The following ATRX variants were observed in gnomAD, a reference collection of about 807,000 sequenced individuals.
ATRX encodes the protein ATRX chromatin remodeler.
Under a neutral mutation model 172.6 loss-of-function variants are expected in ATRX, and 12 were observed. The ratio of observed to expected loss-of-function variants is 0.07; its 90% CI spans 0.04 to 0.11. The LOEUF is 0.11. ATRX is among the 10% of genes least tolerant of loss of function. The pLI is 1.00. For synonymous variants in ATRX, 674 were observed against 594.7 expected, an observed-to-expected ratio of 1.13 and a Z score of -1.94; for missense variants, 1,368 against 1,767.4, an observed-to-expected ratio of 0.77 and a Z score of 4.05.
intron 13 of ATRX, among the ~76,000 whole-genome samples, chrX:77,656,176 G>T (rs1226605874): frequency 9.0e-6 from 1 of 111,371 alleles, no homozygotes; most frequent in Non-Finnish European, 1.9e-5. Flanking sequence ...CAAGTATATT[G>T]TAATCCCCCA....
intron 27 of ATRX, among the ~76,000 whole-genome samples, chrX:77,577,987 C>T (rs1268257498): frequency 1.8e-5 from 2 of 111,828 alleles, no homozygotes; most frequent in Admixed American, 9.5e-5. Context: ...ACTGCTACCT[C>T]AACCCCCAGA....
chrX:77,765,152 GCAAAAACTCTGTCT>G (rs1412872712), intron 1 of ATRX, among the ~76,000 whole-genome samples: 1 of 111,421 alleles, frequency 9.0e-6, no homozygotes, highest in African/African-American at 3.3e-5. Flanking sequence ...GGGCAACAGA[GCAAAAACTCTGTCT>G]CAAAAACAAA....
chrX:77,523,185 TTTC>T (rs1474508354), intron 31 of ATRX, 64 bp downstream of exon 31: 1 of 1,160,062 alleles, frequency 8.6e-7, no homozygotes, highest in African/African-American at 1.8e-5. Context: ...ATGTGACCCT[TTTC>T]TTCTTCATTG....
At chrX:77,528,095 C>T (rs1458993364) in intron 30 of ATRX, among the ~76,000 whole-genome samples, 3 of 110,154 alleles carry the variant, frequency 2.7e-5, no homozygotes, top group Non-Finnish European at 5.7e-5. Context: ...TCAGTTGTTC[C>T]AGCCTCCCCG....
chrX:77,718,854 A>C (rs2073593507), intron 1 of ATRX, among the ~76,000 whole-genome samples: 1 of 111,465 alleles, frequency 9.0e-6, no homozygotes. Context: ...TGAGGTCTCA[A>C]AACTCTTGGG....
intron 1 of ATRX, among the ~76,000 whole-genome samples, chrX:77,747,803 T>C (rs951507369): frequency 4.5e-5 from 5 of 111,772 alleles, no homozygotes; most frequent in Non-Finnish European, 7.5e-5. Context: ...CTAATCTTTA[T>C]ATAGTTTCCT....
At chrX:77,510,174 C>G (rs1351440908) in intron 34 of ATRX, among the ~76,000 whole-genome samples, 1 of 111,797 alleles carries the variant, frequency 8.9e-6, no homozygotes. Flanking sequence ...ATGACATTTC[C>G]AGACATAACC....
intron 34 of ATRX, among the ~76,000 whole-genome samples, chrX:77,513,575 T>C (rs1209600559): frequency 2.7e-5 from 3 of 110,332 alleles, no homozygotes; most frequent in African/African-American, 3.3e-5. Context: ...AATGAGTGAG[T>C]TGAAGTGGCA....
At chrX:77,760,716 A>C (rs1330245888) in intron 1 of ATRX, among the ~76,000 whole-genome samples, 1 of 111,955 alleles carries the variant, frequency 8.9e-6, no homozygotes, top group Non-Finnish European at 1.9e-5. Flanking sequence ...TGAGGCTTCA[A>C]CTCTATCTGT....
At chrX:77,548,174 G>A (rs1487686763) in intron 30 of ATRX, among the ~76,000 whole-genome samples, 5 of 110,752 alleles carry the variant, frequency 4.5e-5, no homozygotes, top group Admixed American at 1.9e-4. Context: ...TTTAGGAGAG[G>A]GCTTAAACAA....
At chrX:77,641,238 G>A (rs1557111023) in intron 15 of ATRX, among the ~76,000 whole-genome samples, 2 of 111,194 alleles carry the variant, frequency 1.8e-5, no homozygotes, top group Admixed American at 9.6e-5. Flanking sequence ...AGAAGTAACA[G>A]AAATAATGAA....
At chrX:77,656,367 G>A (rs2069551315) in intron 13 of ATRX, among the ~76,000 whole-genome samples, 193 bp downstream of exon 13, 1 of 111,652 alleles carries the variant, frequency 9.0e-6, no homozygotes, top group South Asian at 3.7e-4. Flanking sequence ...ACCCAGGTTA[G>A]AATACATAAT....
Position 77,599,715 on chromosome X carries a change from A to G in ATRX, c.5786+17T>C. 1 of 1,203,219 alleles carries G rather than the reference A, an allele frequency of 8.3e-7. No homozygotes were observed. The highest frequency in any genetic ancestry group is 1.1e-6 in the Non-Finnish European group (1 of 888,006). On this transcript the variant is annotated intron_variant, in intron 24 of 34. Coordinates refer to ENST00000373344, the MANE Select transcript of ATRX (RefSeq NM_000489.6). ...ACTTTGTCAATACAGGATGGCACGA[A>G]AAAGTATTCGATTTACTTTGTATAA...
At chrX:77,726,362 C>T (rs1557172902) in intron 1 of ATRX, among the ~76,000 whole-genome samples, 1 of 107,825 alleles carries the variant, frequency 9.3e-6, no homozygotes, top group East Asian at 2.9e-4. Context: ...TCTCAGCAAA[C>T]TATCGCAAGG....
At chrX:77,716,323 A>AAAATAT (rs1557165064) in intron 2 of ATRX, among the ~76,000 whole-genome samples, 7 of 21,025 alleles carry the variant, frequency 3.3e-4, no homozygotes, top group African/African-American at 5.0e-4. Context: ...AAAAAAAAAA[A>AAAATAT]ATATATATAT....
In ATRX at chrX:77,523,038, CTT is replaced by C. The variant is rs782172002; in HGVS notation, c.6849+212_6849+213del. 2.1e-3 allele frequency among the ~76,000 whole-genome samples: 229 copies of C among 111,195 alleles called. 2 individuals are homozygous for C. Among genetic ancestry groups the C allele is most frequent in the African/African-American group, 6.9e-3 (212 of 30,633 alleles). On this transcript the variant is annotated intron_variant, in intron 31 of 34. Coordinates refer to ENST00000373344, the MANE Select transcript of ATRX (RefSeq NM_000489.6). ...ACTAGGCAGAAATGGGATTACTACT[CTT>C]TAAGTGTAAACTGTTTTCTTCTGTC...
intron 1 of ATRX, among the ~76,000 whole-genome samples, chrX:77,718,192 A>T (rs1208623139): frequency 9.1e-6 from 1 of 109,502 alleles, no homozygotes; most frequent in East Asian, 2.9e-4. Flanking sequence ...ATATTTACTG[A>T]ACACTTACTC....
At chrX:77,663,667 G>T in intron 11 of ATRX, 109 bp from the exon 12 acceptor site, 1 of 623,725 alleles carries the variant, frequency 1.6e-6, no homozygotes, top group Non-Finnish European at 2.5e-6. Flanking sequence ...ATCAGAGTTA[G>T]ACACATACTT....
intron 6 of ATRX, among the ~76,000 whole-genome samples, chrX:77,693,578 T>C (rs2072025222): frequency 8.9e-6 from 1 of 111,773 alleles, no homozygotes; most frequent in Non-Finnish European, 1.9e-5. Context: ...TTATAGAACA[T>C]GTGGAAGAAG....
Sources: gnomAD v4.1 joint callset for allele counts (sites outside exome capture counted in the v4.1 genomes callset) on GRCh38, gnomAD v4.1.1 for gene constraint, MANE v1.5 for transcripts, NCBI Gene and HGNC (gene_info 2026-07-23, HGNC 2026-07-21) for gene names.